Variants in NRF1 observed in about 807,000 individuals in gnomAD.
The protein encoded by NRF1 is alpha palindromic-binding protein.
A neutral mutation model predicts 58.5 loss-of-function variants in NRF1; 5 were observed. The ratio of observed to expected loss-of-function variants is 0.09; its 90% confidence interval spans 0.04 to 0.18. The LOEUF (loss-of-function observed/expected upper bound fraction) is 0.18, where lower values mean the gene tolerates loss of function less well. NRF1 is among the 10% of genes least tolerant of loss of function. NRF1 has a pLI of 1.00. For synonymous variants in NRF1, 224 were observed against 246.7 expected, an observed-to-expected ratio of 0.91 and a Z score of 0.86; for missense variants, 288 against 657.7, an observed-to-expected ratio of 0.44 and a Z score of 6.15.
intron 1 of NRF1, among the ~76,000 whole-genome samples, chr7:129,642,934 T>C (rs932884735): frequency 2.0e-5 from 3 of 151,910 alleles, no homozygotes; most frequent in Non-Finnish European, 4.4e-5. Flanking sequence ...CTGGTTTTTG[T>C]ATTTTTAGTA....
chr7:129,706,272 A>G (rs1272110095), intron 5 of NRF1, among the ~76,000 whole-genome samples: 1 of 152,178 alleles, frequency 6.6e-6, no homozygotes, highest in East Asian at 1.9e-4. Context: ...AGGTGTTTTG[A>G]GCATTGGAGC....
intron 1 of NRF1, among the ~76,000 whole-genome samples, chr7:129,656,621 C>A (rs1160083787): frequency 6.6e-6 from 1 of 152,002 alleles, no homozygotes; most frequent in African/African-American, 2.4e-5. Flanking sequence ...GTCTCCCAGG[C>A]TGGAGTACAA....
At chr7:129,703,846 CCTT>C (rs1406454945) in intron 5 of NRF1, among the ~76,000 whole-genome samples, 3 of 152,086 alleles carry the variant, frequency 2.0e-5, no homozygotes, top group Non-Finnish European at 2.9e-5. Context: ...GTGGAAGTAA[CCTT>C]CTTTTTGTAC....
chr7:129,755,544 T>G lies in NRF1; in HGVS notation c.*363T>G, dbSNP rs1357050141. 1.2e-3 allele frequency: 4 copies of G among 3,266 alleles called. No individual in the cohort carries two copies. The highest frequency in any genetic ancestry group is 2.6e-3 in the African/African-American group (4 of 1,538). 0.2% of individuals were successfully genotyped at this position (3,266 alleles called of 1,614,324 possible). On this transcript the variant is annotated 3_prime_UTR_variant, in exon 11 of 11. Transcript: ENST00000393232. This position sits in a 1 kb window ranked among gnomAD's most constrained non-coding sequence, Gnocchi z 5.8. ...TTTACATATATATAAAGTATATATA[T>G]ACATATATATATATATATATGTATG...
chr7:129,632,555 G>C (rs1584590724), intron 1 of NRF1, among the ~76,000 whole-genome samples: 1 of 151,616 alleles, frequency 6.6e-6, no homozygotes, highest in African/African-American at 2.4e-5. Flanking sequence ...TCCCTTCCCA[G>C]CTGTGACCAT....
At chr7:129,637,255 A>G (rs1801186900) in intron 1 of NRF1, among the ~76,000 whole-genome samples, 1 of 151,232 alleles carries the variant, frequency 6.6e-6, no homozygotes, top group African/African-American at 2.4e-5. Flanking sequence ...CTCTGCTGAA[A>G]AAAAAAAAAA....
In NRF1 at chr7:129,654,257, T is replaced by C. The variant is rs147754076; in HGVS notation, c.-6-3089T>C. ...CATCTTTTCATATGCTTATTTACCA[T>C]CTATATATCTTCCTTGGTGAGATCT... On this transcript the variant is annotated intron_variant, in intron 1 of 10. Coordinates refer to ENST00000393232, the MANE Select transcript of NRF1 (RefSeq NM_005011.5). 2.0e-5 allele frequency among the ~76,000 whole-genome samples: 3 copies of C among 152,360 alleles called. No individual in the cohort carries two copies. In the East Asian group the frequency reaches 5.8e-4, roughly 29 times the overall value.
At chr7:129,684,527 T>A (rs142688778) in intron 4 of NRF1, among the ~76,000 whole-genome samples, 5 of 152,272 alleles carry the variant, frequency 3.3e-5, no homozygotes, top group Non-Finnish European at 7.4e-5. Context: ...AAGAACTACA[T>A]CCCTCAAAGA....
chr7:129,717,495 A>C (rs1159240995), intron 9 of NRF1, 119 bp downstream of exon 9: 1 of 1,095,016 alleles, frequency 9.1e-7, no homozygotes, highest in Non-Finnish European at 1.3e-6. Context: ...GGAACTTAAC[A>C]CTCTTGGCCC....
chr7:129,617,962 G>A lies in NRF1; in HGVS notation c.-7+6138G>A, dbSNP rs118075102. Among the ~76,000 whole-genome samples, 276 of 152,300 alleles carry A rather than the reference G, an allele frequency of 1.8e-3. 6 individuals are homozygous for A. The East Asian group carries it at 0.044, about 24-fold the overall frequency. On this transcript the variant is annotated intron_variant, in intron 1 of 10. Transcript: ENST00000393232. Reference sequence around the variant, plus strand: ...GTTGTGGCCATATTGGGAAGAGTTTGTAATTCCATGCTCATGAGTGTGAAC... The same window carrying A: ...GTTGTGGCCATATTGGGAAGAGTTTATAATTCCATGCTCATGAGTGTGAAC...
chr7:129,727,350 G>A lies in NRF1; in HGVS notation c.1333G>A (p.Val445Ile), dbSNP rs1330569933. Residue 445 changes from valine to isoleucine, a missense_variant, in exon 10 of 11, where the codon GTC becomes ATC. Around this residue, in one of 3 missense-constraint regions of NRF1, gnomAD observed 212 missense variants for 559.7 expected, o/e 0.38. Transcript: ENST00000393232. ...AGCAGCCGTCGGAGCACTTACTGGA[G>A]TCCAAGATGCTAATGGTAAGAGAGC... ...TAAAVGALTGVQDANGLVQIP... is the reference protein window; with the variant it reads ...TAAAVGALTGIQDANGLVQIP... The A allele has an allele frequency of 3.0e-5, 48 of 1,603,648 alleles. No individual in the cohort carries two copies. Among genetic ancestry groups the A allele is most frequent in the Non-Finnish European group, 4.0e-5 (47 of 1,176,612 alleles).
intron 1 of NRF1, among the ~76,000 whole-genome samples, chr7:129,619,427 T>TACAC (rs1295058351): frequency 9.5e-4 from 77 of 81,074 alleles, no homozygotes; most frequent in African/African-American, 2.4e-3. Context: ...TATATATATA[T>TACAC]ATATATACAC....
chr7:129,752,929 G>A (rs1804156920), intron 10 of NRF1, among the ~76,000 whole-genome samples: 1 of 152,156 alleles, frequency 6.6e-6, no homozygotes, highest in African/African-American at 2.4e-5. Flanking sequence ...TTGCAAGTGT[G>A]GGGGCGACTG....
At chr7:129,750,791 T>C (rs1804097142) in intron 10 of NRF1, among the ~76,000 whole-genome samples, 1 of 152,304 alleles carries the variant, frequency 6.6e-6, no homozygotes. Flanking sequence ...GTCTTGAATA[T>C]AGTATTTTTG....
intron 1 of NRF1, among the ~76,000 whole-genome samples, chr7:129,615,254 C>T (rs1197868706): frequency 6.6e-6 from 1 of 152,154 alleles, no homozygotes; most frequent in African/African-American, 2.4e-5. Context: ...CTGAAGCAGG[C>T]TTATTCATTC....
At chr7:129,717,187 G>A (rs910416932) in intron 8 of NRF1, 32 bp from the exon 9 acceptor site, 51 of 1,552,006 alleles carry the variant, frequency 3.3e-5, no homozygotes, top group Admixed American at 1.5e-4. Context: ...TTGTGGCTTT[G>A]TTTTTTTACT....
chr7:129,645,208 T>G (rs1562958274), intron 1 of NRF1, among the ~76,000 whole-genome samples: 1 of 152,228 alleles, frequency 6.6e-6, no homozygotes, highest in Non-Finnish European at 1.5e-5. Flanking sequence ...CCCCAGTAAT[T>G]CTATGAAGTA....
rs73470444 is a variant in NRF1, at chr7:129,654,672, G to A, written c.-6-2674G>A. Among the ~76,000 whole-genome samples the A allele has an allele frequency of 1.4e-3, 209 of 152,242 alleles. 1 individual carries two copies. Among genetic ancestry groups the A allele is most frequent in the African/African-American group, 4.5e-3 (189 of 41,560 alleles). On this transcript the variant is annotated intron_variant, in intron 1 of 10. Coordinates refer to ENST00000393232, the MANE Select transcript of NRF1 (RefSeq NM_005011.5). The stretch of plus-strand genomic sequence containing the variant: ...TGTCTAGATTTCATTTTTTTGATGT[G>A]TGACTGTTCACTTGTTCCAGCACCA...
chr7:129,652,914 G>C (rs1291261873), intron 1 of NRF1, among the ~76,000 whole-genome samples: 1 of 152,186 alleles, frequency 6.6e-6, no homozygotes, highest in Non-Finnish European at 1.5e-5. Flanking sequence ...TCTTTGCACA[G>C]AAATTACACT....
Sources: allele counts gnomAD v4.1 joint callset (sites outside exome capture counted in the v4.1 genomes callset), GRCh38; gene constraint gnomAD v4.1.1; regional missense constraint gnomAD v4.1.1; non-coding constraint Gnocchi (gnomAD v3.1); transcripts MANE v1.5; gene names NCBI Gene and HGNC (gene_info 2026-07-23, HGNC 2026-07-21).